Variants in NFIX observed in about 807,000 individuals in gnomAD.
NFIX encodes nuclear factor I X, also known as nuclear factor 1 X-type.
In NFIX, 2 loss-of-function variants were observed where a neutral mutation model predicts 53.3. The ratio of observed to expected loss-of-function variants is 0.04; its 90% CI spans 0.02 to 0.12. The LOEUF (loss-of-function observed/expected upper bound fraction) is 0.12. Ranked by LOEUF, NFIX falls within the 10% of genes least tolerant of loss-of-function variation. The pLI is 1.00. For missense variants in NFIX, 310 were observed against 674.5 expected (o/e 0.46, Z 5.99); for synonymous variants, 244 against 289.0 (o/e 0.84, Z 1.58).
In NFIX at chr19:13,067,880, C is replaced by A. The variant is rs978569019; in HGVS notation, c.560-5167C>A. On this transcript the variant is annotated intron_variant, in intron 2 of 10. Transcript: ENST00000592199. This position sits in a 1 kb window ranked among gnomAD's most constrained non-coding sequence, Gnocchi z 4.2. ...CAGCACTTTGGGAGGCTGAGACGGG[C>A]GGATCACCAGGTCAGGAGATCGAGA... 1.3e-5 allele frequency among the ~76,000 whole-genome samples: 2 copies of A among 151,968 alleles called. No individual in the cohort carries two copies. The highest frequency in any genetic ancestry group is 2.1e-4 in the South Asian group (1 of 4,824).
Position 13,001,966 on chromosome 19 carries a change from G to A in NFIX, c.27+6102G>A, listed in dbSNP as rs1048572496. On this transcript the variant is annotated intron_variant, in intron 1 of 10. Transcript: ENST00000592199. The surrounding 1 kb of genome is among the most constrained non-coding windows in gnomAD (Gnocchi z 6.5). ...CGAGGTGCGGGCGTGTGTTCGGGCC[G>A]CCCACAGGCCTCCCTCTGTCTGCCC... 5.3e-5 allele frequency among the ~76,000 whole-genome samples: 8 copies of A among 152,192 alleles called. No individual in the cohort carries two copies. Among genetic ancestry groups the A allele is most frequent in the African/African-American group, 1.7e-4 (7 of 41,450 alleles).
rs921963632 is a variant in NFIX at position 13,006,436 on chromosome 19, C to T, written c.27+10572C>T. Among the ~76,000 whole-genome samples the T allele has an allele frequency of 5.2e-4, 79 of 152,180 alleles. 1 individual carries two copies. Among genetic ancestry groups the T allele is most frequent in the Admixed American group, 2.0e-4 (3 of 15,274 alleles). On this transcript the variant is annotated intron_variant, in intron 1 of 10. Transcript: ENST00000592199. The surrounding 1 kb of genome is among the most constrained non-coding windows in gnomAD (Gnocchi z 5.6). ...ATTTGTGGATATGCCATACGGTGCC[C>T]GCCCAAAATCTGGGGACAAGATGGC...
chr19:13,016,706 G>A (rs962124908), intron 1 of NFIX, among the ~76,000 whole-genome samples: 8 of 150,662 alleles, frequency 5.3e-5, no homozygotes, highest in Admixed American at 6.6e-5. Flanking sequence ...AATTTTTGGA[G>A]GGATTTATTT....
chr19:13,078,722 T>G lies in NFIX; in HGVS notation c.1065T>G (p.Ala355=). 1 of 1,601,374 alleles carries G rather than the reference T, an allele frequency of 6.2e-7. No individual in the cohort carries two copies. The highest frequency in any genetic ancestry group is 8.5e-7 in the Non-Finnish European group (1 of 1,174,298). ...AFTHHPLPVL[A]GVRPGSPRAT... Reference sequence around the variant, plus strand: ...CCCACCACCCGCTGCCTGTGCTTGCTGGAGTCAGACCAGGTGAGAAATGGG... The same window carrying G: ...CCCACCACCCGCTGCCTGTGCTTGCGGGAGTCAGACCAGGTGAGAAATGGG... The change falls in exon 7 of 11, where the codon GCT becomes GCG. Residue 355 remains alanine, a synonymous_variant. Coordinates refer to ENST00000592199, the MANE Select transcript of NFIX (RefSeq NM_001365902.3). The surrounding 1 kb of genome is among the most constrained non-coding windows in gnomAD (Gnocchi z 4.7).
intron 1 of NFIX, chr19:13,023,856 TC>T: frequency 1.7e-6 from 1 of 582,038 alleles, no homozygotes; most frequent in South Asian, 2.1e-5. Flanking sequence ...GGTTTGAGAA[TC>T]CACCCAAGCC....
rs938207265 is a variant in NFIX, at chr19:13,052,627, A to G, written c.560-20420A>G. On this transcript the variant is annotated intron_variant, in intron 2 of 10. Coordinates refer to ENST00000592199, the MANE Select transcript of NFIX (RefSeq NM_001365902.3). The surrounding 1 kb of genome is among the most constrained non-coding windows in gnomAD (Gnocchi z 5.2). The stretch of plus-strand genomic sequence containing the variant: ...TCAGAGAAACAGTCACATGTCAGAC[A>G]TGTGCCCTTTCTTGGGCTGAACCTA... 1.1e-4 allele frequency among the ~76,000 whole-genome samples: 17 copies of G among 152,188 alleles called. No homozygotes were observed. The highest frequency in any genetic ancestry group is 1.5e-4 in the Non-Finnish European group (10 of 68,024).
At chr19:13,092,308 A>G (rs1385425206) in intron 10 of NFIX, among the ~76,000 whole-genome samples, 1 of 152,292 alleles carries the variant, frequency 6.6e-6, no homozygotes, top group South Asian at 2.1e-4. Context: ...GGAAGTAGGG[A>G]GGGGTGAGCA....
At chr19:13,058,775 G>A (rs560465269) in intron 2 of NFIX, among the ~76,000 whole-genome samples, 1 of 152,038 alleles carries the variant, frequency 6.6e-6, no homozygotes, top group Non-Finnish European at 1.5e-5. Context: ...CACATGAAAC[G>A]TACCCAGCTT....
Position 13,002,284 on chromosome 19 carries a change from G to A in NFIX, c.27+6420G>A, listed in dbSNP as rs539650520. Among the ~76,000 whole-genome samples, 131 of 150,642 alleles carry A rather than the reference G, an allele frequency of 8.7e-4. 1 individual carries two copies. Among genetic ancestry groups the A allele is most frequent in the African/African-American group, 2.6e-3 (105 of 40,802 alleles). On this transcript the variant is annotated intron_variant, in intron 1 of 10. Transcript: ENST00000592199. This position sits in a 1 kb window ranked among gnomAD's most constrained non-coding sequence, Gnocchi z 6.1. ...CTCTCTCTCTCCTCCTGCCAAACGC[G>A]TCTTGGCTCCGTCTGAATATCTCTC... is the stretch of plus-strand genomic sequence containing the variant.
In NFIX at chr19:13,037,233, C is replaced by A. The variant is rs1282588990; in HGVS notation, c.559+11681C>A. ...AGGGGAGCTACAGAGTCTTCCCTGT[C>A]CTTCTCTCTCCCAGGTGACCTCTAC... On this transcript the variant is annotated intron_variant, in intron 2 of 10. Transcript: ENST00000592199. The surrounding 1 kb of genome is among the most constrained non-coding windows in gnomAD (Gnocchi z 4.2). Among the ~76,000 whole-genome samples the A allele has an allele frequency of 6.6e-6, 1 of 152,144 alleles. No homozygotes were observed. Among genetic ancestry groups the A allele is most frequent in the Non-Finnish European group, 1.5e-5 (1 of 68,008 alleles).
chr19:13,074,976 A>C (rs1440088691), intron 5 of NFIX, among the ~76,000 whole-genome samples: 1 of 146,722 alleles, frequency 6.8e-6, no homozygotes, highest in Non-Finnish European at 1.5e-5. Flanking sequence ...AGGCTGAGGC[A>C]GGAGAAAGGT....
chr19:13,036,617 CTTA>C lies in NFIX; in HGVS notation c.559+11070_559+11072del, dbSNP rs535374141. On this transcript the variant is annotated intron_variant, in intron 2 of 10. Transcript: ENST00000592199. The surrounding 1 kb of genome is among the most constrained non-coding windows in gnomAD (Gnocchi z 4.7). ...GAGTGCAGCCCTTGGGGAGTGTGTCCTTATTATGCCTGCAGATTATATCCCCAT... is the reference window on the plus strand; with the variant it reads ...GAGTGCAGCCCTTGGGGAGTGTGTCCTTATGCCTGCAGATTATATCCCCAT... Among the ~76,000 whole-genome samples the C allele has an allele frequency of 1.0e-3, 152 of 152,126 alleles. No individual in the cohort carries two copies. The highest frequency in any genetic ancestry group is 1.8e-3 in the Non-Finnish European group (120 of 68,012).
intron 2 of NFIX, among the ~76,000 whole-genome samples, chr19:13,030,461 T>A (rs1193288975): frequency 6.6e-6 from 1 of 152,170 alleles, no homozygotes; most frequent in Non-Finnish European, 1.5e-5. Context: ...TGTTGGTCTT[T>A]TTTTTCTCTT....
chr19:13,003,250 C>A (rs2011820270), intron 1 of NFIX, among the ~76,000 whole-genome samples: 1 of 152,152 alleles, frequency 6.6e-6, no homozygotes, highest in Non-Finnish European at 1.5e-5. Flanking sequence ...AGAATCTTGC[C>A]CTCACTCACA....
At chr19:13,030,078 C>A (rs1387744064) in intron 2 of NFIX, among the ~76,000 whole-genome samples, 1 of 152,226 alleles carries the variant, frequency 6.6e-6, no homozygotes, top group East Asian at 1.9e-4. Context: ...GCCGCCTCAT[C>A]CATTGCCTCC....
intron 1 of NFIX, among the ~76,000 whole-genome samples, chr19:13,016,556 C>T (rs2012678166): frequency 6.7e-6 from 1 of 149,058 alleles, no homozygotes; most frequent in Non-Finnish European, 1.5e-5. Context: ...TTTTTTTCTG[C>T]ACACTTACAT....
intron 10 of NFIX, among the ~76,000 whole-genome samples, chr19:13,092,056 C>T (rs969426591): frequency 6.6e-6 from 1 of 152,128 alleles, no homozygotes; most frequent in East Asian, 1.9e-4. Flanking sequence ...GTTGGGGGAG[C>T]GGAAGCTGGA....
rs1004176168 is a variant in NFIX, at chr19:12,996,450, G to C, written c.27+586G>C. Among the ~76,000 whole-genome samples, 1 of 149,808 alleles carries C rather than the reference G, an allele frequency of 6.7e-6. No homozygotes were observed. Among genetic ancestry groups the C allele is most frequent in the Non-Finnish European group, 1.5e-5 (1 of 67,448 alleles). On this transcript the variant is annotated intron_variant, in intron 1 of 10. Transcript: ENST00000592199. The surrounding 1 kb of genome is among the most constrained non-coding windows in gnomAD (Gnocchi z 5.2). ...CGAGCGGCCCGGGCGTCTCCCCAAA[G>C]TCTTTGTTTAGGCCTCACATGGGAG...
rs983996117 is a variant in NFIX, at chr19:13,078,927, C to T, written c.1078+192C>T. Among the ~76,000 whole-genome samples the T allele has an allele frequency of 2.6e-5, 4 of 152,242 alleles. No homozygotes were observed. Among genetic ancestry groups the T allele is most frequent in the African/African-American group, 4.8e-5 (2 of 41,460 alleles). Reference sequence around the variant, plus strand: ...CGTAGCACCTCATCGAGGACCAGGCCGGGCCCCTGGGCTGCCCACCTGGCT... The same window carrying T: ...CGTAGCACCTCATCGAGGACCAGGCTGGGCCCCTGGGCTGCCCACCTGGCT... On this transcript the variant is annotated intron_variant, in intron 7 of 10. Coordinates refer to ENST00000592199, the MANE Select transcript of NFIX (RefSeq NM_001365902.3). The surrounding 1 kb of genome is among the most constrained non-coding windows in gnomAD (Gnocchi z 4.7).
Sources: gnomAD v4.1 joint callset for allele counts (sites outside exome capture counted in the v4.1 genomes callset) on GRCh38, gnomAD v4.1.1 for gene constraint, Gnocchi (gnomAD v3.1) non-coding constraint, MANE v1.5 for transcripts, NCBI Gene and HGNC (gene_info 2026-07-23, HGNC 2026-07-21) for gene names.